RGS6: variants seen among roughly 807,000 people sequenced by gnomAD.
The protein encoded by RGS6 is regulator of G protein signaling 6.
RGS6 carries 30 observed loss-of-function variants against 78.5 expected under a neutral mutation model. The observed-to-expected ratio is 0.38, with a 90% CI of 0.29 to 0.52. The LOEUF is 0.52. RGS6 is among the 20% of genes least tolerant of loss of function. The pLI, the probability that RGS6 is intolerant of heterozygous loss-of-function variation, is 0.85. For missense variants in RGS6, 495 were observed against 609.7 expected (o/e 0.81, Z 1.98); for synonymous variants, 206 against 206.0 (o/e 1.00, Z 0.00).
intron 1 of RGS6, 72 bp from the exon 2 acceptor site, chr14:71,964,696 CTTAA>C: frequency 9.9e-7 from 1 of 1,008,068 alleles, no homozygotes; most frequent in Non-Finnish European, 1.4e-6. Flanking sequence ...CCAAAAGTTA[CTTAA>C]TTCTTTGCAT....
At chr14:72,366,534 G>C (rs2082478238) in intron 3 of RGS6, among the ~76,000 whole-genome samples, 1 of 152,190 alleles carries the variant, frequency 6.6e-6, no homozygotes, top group East Asian at 1.9e-4. Context: ...TCAGATCAAA[G>C]TCCAAGGCTC....
chr14:72,438,914 G>A (rs569996152), intron 3 of RGS6, among the ~76,000 whole-genome samples: 212 of 152,350 alleles, frequency 1.4e-3, no homozygotes, highest in Non-Finnish European at 2.6e-3. Flanking sequence ...CCAACCTCCA[G>A]GCGTACGAGC....
At position 72,265,486 on chromosome 14, in the gene RGS6, G is replaced by A. The variant is rs570691563; in HGVS notation, c.85-86609G>A. On this transcript the variant is annotated intron_variant, in intron 2 of 17. Transcript: ENST00000553525. The stretch of plus-strand genomic sequence containing the variant: ...ACCACAGACAGGCTGTAGGGTTGTC[G>A]TGTTTGTCTGTTTTTAAGTGACAGG... Among the ~76,000 whole-genome samples, 12 of 152,238 alleles carry A rather than the reference G, an allele frequency of 7.9e-5. No individual in the cohort carries two copies. In the South Asian group the frequency reaches 2.3e-3, roughly 29 times the overall value.
chr14:72,577,007 A>T, the RGS6 span, among the ~76,000 whole-genome samples: 1 of 152,162 alleles, frequency 6.6e-6, no homozygotes, highest in Non-Finnish European at 1.5e-5. Flanking sequence ...TGCAATCTGT[A>T]TAGTGAGGCT....
chr14:72,320,405 C>T (rs149383131), intron 2 of RGS6, among the ~76,000 whole-genome samples: 2,381 of 152,008 alleles, frequency 0.016, 19 homozygotes, highest in Middle Eastern at 0.034. Flanking sequence ...GGTGAAACCA[C>T]ATCTCTACCA....
Position 72,353,489 on chromosome 14 carries a change from T to G in RGS6, c.184+1295T>G, listed in dbSNP as rs540684613. Among the ~76,000 whole-genome samples, 16 of 152,344 alleles carry G rather than the reference T, an allele frequency of 1.1e-4. No individual in the cohort carries two copies. In the East Asian group the frequency reaches 2.7e-3, roughly 26 times the overall value. On this transcript the variant is annotated intron_variant, in intron 3 of 17. Coordinates refer to ENST00000553525, the MANE Select transcript of RGS6 (RefSeq NM_001204424.2). The stretch of plus-strand genomic sequence containing the variant: ...CTCAAAGGTTACATGCTATGTGATT[T>G]CAGGTATACAGCATTGTATACATCA...
At chr14:71,964,324 T>C (rs2093386496) in intron 1 of RGS6, among the ~76,000 whole-genome samples, 1 of 152,130 alleles carries the variant, frequency 6.6e-6, no homozygotes, top group Non-Finnish European at 1.5e-5. Context: ...CTGACCAACA[T>C]GGAGAAACCC....
the RGS6 span, among the ~76,000 whole-genome samples, chr14:72,617,282 G>A: frequency 9.2e-5 from 14 of 152,180 alleles, no homozygotes; most frequent in Admixed American, 5.9e-4. Flanking sequence ...AACATTTGGG[G>A]AACTTTTTTT....
chr14:71,921,520 G>A, the RGS6 span, among the ~76,000 whole-genome samples: 1 of 152,310 alleles, frequency 6.6e-6, no homozygotes, highest in East Asian at 1.9e-4. Context: ...ATATTATCCA[G>A]CCCTAACAAA....
At chr14:71,874,590 A>G in the RGS6 span, among the ~76,000 whole-genome samples, 2 of 152,258 alleles carry the variant, frequency 1.3e-5, no homozygotes, top group East Asian at 1.9e-4. Context: ...ATCTGCAAAC[A>G]GGGACAATTT....
At chr14:72,312,381 G>A (rs553196881) in intron 2 of RGS6, among the ~76,000 whole-genome samples, 3 of 152,262 alleles carry the variant, frequency 2.0e-5, no homozygotes, top group South Asian at 4.2e-4. Context: ...AGTAAAGAGA[G>A]CTATGAAGTG....
At chr14:72,312,851 A>G (rs949641866) in intron 2 of RGS6, among the ~76,000 whole-genome samples, 3 of 152,194 alleles carry the variant, frequency 2.0e-5, no homozygotes, top group African/African-American at 7.2e-5. Flanking sequence ...CCTCTCCCAT[A>G]CAAAGCAAAG....
At chr14:72,349,624 C>G (rs2078744010) in intron 2 of RGS6, among the ~76,000 whole-genome samples, 1 of 152,114 alleles carries the variant, frequency 6.6e-6, no homozygotes. Context: ...TTTTTTTGAT[C>G]TAGCTGTAAC....
intron 12 of RGS6, among the ~76,000 whole-genome samples, chr14:72,480,400 C>T (rs2096348159): frequency 6.6e-6 from 1 of 152,122 alleles, no homozygotes; most frequent in South Asian, 2.1e-4. Flanking sequence ...CAGGGAGGGG[C>T]CCCACCTGGT....
chr14:72,489,159 C>CA (rs2096540730), intron 12 of RGS6, among the ~76,000 whole-genome samples: 1 of 149,056 alleles, frequency 6.7e-6, no homozygotes, highest in African/African-American at 2.5e-5. Context: ...AAAGGGGGCC[C>CA]CCCCACCGGC....
intron 2 of RGS6, among the ~76,000 whole-genome samples, chr14:72,240,499 C>T (rs1204353954): frequency 6.6e-6 from 1 of 152,154 alleles, no homozygotes; most frequent in East Asian, 1.9e-4. Flanking sequence ...ATTAAAGTGC[C>T]ACTCATTTGG....
At chr14:72,411,754 T>G (rs183924020) in intron 3 of RGS6, among the ~76,000 whole-genome samples, 1 of 152,220 alleles carries the variant, frequency 6.6e-6, no homozygotes, top group African/African-American at 2.4e-5. Context: ...AATACCTAAT[T>G]TATTGAAAGT....
intron 12 of RGS6, among the ~76,000 whole-genome samples, chr14:72,493,182 C>T (rs2096600554): frequency 6.6e-6 from 1 of 152,102 alleles, no homozygotes; most frequent in Non-Finnish European, 1.5e-5. Context: ...TCCAGACACT[C>T]CAGGAAGGCT....
chr14:72,548,348 C>CGCGCGCGTGTGT (rs141987560), intron 17 of RGS6, among the ~76,000 whole-genome samples: 1 of 129,464 alleles, frequency 7.7e-6, no homozygotes, highest in African/African-American at 3.1e-5. Flanking sequence ...TGTGTGCGCG[C>CGCGCGCGTGTGT]GTGTGTGTGT....
Sources: gnomAD v4.1 joint callset for allele counts (sites outside exome capture counted in the v4.1 genomes callset) on GRCh38, gnomAD v4.1.1 for gene constraint, MANE v1.5 for transcripts, NCBI Gene and HGNC (gene_info 2026-07-23, HGNC 2026-07-21) for gene names.